Variants in CDH5 observed in about 807,000 individuals in gnomAD.
CDH5 encodes the protein cadherin-5.
In CDH5, 28 loss-of-function variants were observed where a neutral mutation model predicts 62.0. That is an observed-to-expected ratio of 0.45 (90% CI 0.33 to 0.62). The LOEUF (loss-of-function observed/expected upper bound fraction) is 0.62, where lower values mean the gene tolerates loss of function less well. Ranked by LOEUF, CDH5 falls within the 20% of genes least tolerant of loss-of-function variation. The pLI is 0.02. For synonymous variants in CDH5, 464 were observed against 445.8 expected (o/e 1.04, Z -0.52); for missense variants, 940 against 1,065.1 (o/e 0.88, Z 1.63).
intron 1 of CDH5, among the ~76,000 whole-genome samples, chr16:66,367,645 G>A (rs1478076341): frequency 2.0e-5 from 3 of 152,158 alleles, no homozygotes; most frequent in Non-Finnish European, 4.4e-5. Context: ...GGGATGGTGT[G>A]GGGCTCATTA....
chr16:66,386,447 A>T (rs1960984575), intron 2 of CDH5, among the ~76,000 whole-genome samples: 1 of 151,940 alleles, frequency 6.6e-6, no homozygotes, highest in Admixed American at 6.6e-5. Flanking sequence ...CCTCTTTTGG[A>T]GTCTCCAGTG....
intron 10 of CDH5, 53 bp downstream of exon 10, chr16:66,398,614 C>T: frequency 2.2e-6 from 2 of 906,574 alleles, no homozygotes; most frequent in Non-Finnish European, 3.7e-6. Flanking sequence ...CACCTGTAGT[C>T]TCAGCTACTC....
intron 3 of CDH5, 44 bp from the exon 4 acceptor site, chr16:66,388,280 C>A: frequency 8.2e-7 from 1 of 1,226,958 alleles, no homozygotes; most frequent in South Asian, 1.2e-5. Flanking sequence ...GGGTAAGGGG[C>A]CTAGCAGTCA....
At chr16:66,393,929 A>G (rs560723116) in intron 7 of CDH5, among the ~76,000 whole-genome samples, 91 of 152,266 alleles carry the variant, frequency 6.0e-4, no homozygotes, top group Middle Eastern at 6.8e-3. Flanking sequence ...ACTACTCTTC[A>G]TTGCCATTCT....
At chr16:66,389,755 A>C (rs1256466563) in intron 5 of CDH5, among the ~76,000 whole-genome samples, 2 of 152,172 alleles carry the variant, frequency 1.3e-5, no homozygotes, top group East Asian at 3.9e-4. Context: ...GGCCAGAGGG[A>C]AATCCCACTC....
intron 2 of CDH5, among the ~76,000 whole-genome samples, chr16:66,382,143 G>C (rs1178542548): frequency 6.6e-6 from 1 of 152,188 alleles, no homozygotes; most frequent in Non-Finnish European, 1.5e-5. Context: ...TGGCCCCAGG[G>C]TTCAGGGTTT....
Position 66,400,823 on chromosome 16 carries a change from C to G in CDH5, c.1644C>G (p.Thr548=). 6.2e-7 allele frequency: 1 copy of G among 1,614,222 alleles called. No individual in the cohort carries two copies. Among genetic ancestry groups the G allele is most frequent in the Non-Finnish European group, 8.5e-7 (1 of 1,180,034 alleles). The change falls in exon 11 of 12, where the codon ACC becomes ACG. Residue 548 remains threonine (T), a synonymous_variant. Transcript: ENST00000341529. ...ATGGGCAGTTTGACCGGGAGCATAC[C>G]AAGGTCCACTTCCTACCCGTGGTCA... is the stretch of plus-strand genomic sequence containing the variant. The part of the protein sequence containing the change: ...VKYGQFDREH[T]KVHFLPVVIS...
chr16:66,397,565 G>A (rs1016279843), intron 8 of CDH5, among the ~76,000 whole-genome samples: 13 of 152,066 alleles, frequency 8.5e-5, no homozygotes, highest in African/African-American at 2.7e-4. Flanking sequence ...AGTGACATAG[G>A]CATTGTCAGT....
At chr16:66,382,981 A>G (rs1035440606) in intron 2 of CDH5, among the ~76,000 whole-genome samples, 1 of 152,176 alleles carries the variant, frequency 6.6e-6, no homozygotes, top group East Asian at 1.9e-4. Context: ...AGGGGTAGGG[A>G]GAGTGGAGGC....
rs569127097 is a variant in CDH5, at chr16:66,373,949, T to G, written c.-19-5370T>G. Among the ~76,000 whole-genome samples, 201 of 151,544 alleles carry G rather than the reference T, an allele frequency of 1.3e-3. 1 individual carries two copies. The highest frequency in any genetic ancestry group is 4.6e-3 in the African/African-American group (190 of 41,288). ...GATGAAGACCAAGCACCGAGAATAG[T>G]TCATTATTATTACATGTGAATGTCA... On this transcript the variant is annotated intron_variant, in intron 1 of 11. Transcript: ENST00000341529.
At chr16:66,401,088 G>A in intron 11 of CDH5, 72 bp downstream of exon 11, 2 of 1,598,044 alleles carry the variant, frequency 1.3e-6, no homozygotes, top group Non-Finnish European at 1.7e-6. Context: ...AGGCGGGGAG[G>A]CTTCACAGGA....
chr16:66,375,187 G>T (rs183162316), intron 1 of CDH5, among the ~76,000 whole-genome samples: 3 of 152,086 alleles, frequency 2.0e-5, no homozygotes, highest in Non-Finnish European at 4.4e-5. Context: ...ATTTTAACAC[G>T]ACAGCAAGTA....
intron 10 of CDH5, among the ~76,000 whole-genome samples, chr16:66,399,952 G>A (rs1961252268): frequency 6.6e-6 from 1 of 152,254 alleles, no homozygotes; most frequent in South Asian, 2.1e-4. Flanking sequence ...AATCCAGTGT[G>A]TGGAGCCTGT....
At chr16:66,391,383 G>T (rs1961081416) in intron 6 of CDH5, among the ~76,000 whole-genome samples, 1 of 152,096 alleles carries the variant, frequency 6.6e-6, no homozygotes, top group African/African-American at 2.4e-5. Context: ...TTCTGAGAGA[G>T]CATCTGATTA....
At chr16:66,375,297 A>G (rs547272753) in intron 1 of CDH5, among the ~76,000 whole-genome samples, 78 of 152,332 alleles carry the variant, frequency 5.1e-4, no homozygotes, top group African/African-American at 1.7e-3. Context: ...TGGGAGGCCA[A>G]TGCAGGAGGA....
At chr16:66,372,722 C>T in intron 1 of CDH5, among the ~76,000 whole-genome samples, 1 of 152,198 alleles carries the variant, frequency 6.6e-6, no homozygotes, top group East Asian at 1.9e-4. Context: ...CGGTCCCAAC[C>T]TCCCATGGGA....
rs925001765 is a variant in CDH5, at chr16:66,404,589, A to G, written c.*1420A>G. On this transcript the variant is annotated 3_prime_UTR_variant, in exon 12 of 12. Transcript: ENST00000341529. ...AGACATATAGAATAAGGGTTTTTGC[A>G]TAATAAGCAGGTTGTTATTTAGGTT... 2 of 152,542 alleles carry G rather than the reference A, an allele frequency of 1.3e-5. No homozygotes were observed. Among genetic ancestry groups the G allele is most frequent in the Admixed American group, 6.5e-5 (1 of 15,314 alleles). The allele number at this position is 152,542 out of a possible 1,614,324, so 9.4% of individuals were successfully genotyped here. A position where few individuals can be genotyped will look rare whatever the true frequency, so the allele number is the denominator to read the frequency against.
intron 1 of CDH5, among the ~76,000 whole-genome samples, chr16:66,375,590 A>G (rs766745755): frequency 2.6e-5 from 4 of 152,076 alleles, no homozygotes; most frequent in South Asian, 4.1e-4. Flanking sequence ...ACACCTCTCT[A>G]TGGTACATAC....
intron 1 of CDH5, among the ~76,000 whole-genome samples, chr16:66,367,037 C>T (rs976627762): frequency 4.6e-5 from 7 of 152,240 alleles, no homozygotes; most frequent in African/African-American, 1.7e-4. Flanking sequence ...TCAAAAAGGC[C>T]CACTGGCCTT....
Sources: gnomAD v4.1 joint callset for allele counts (sites outside exome capture counted in the v4.1 genomes callset) on GRCh38, gnomAD v4.1.1 for gene constraint, MANE v1.5 for transcripts, NCBI Gene and HGNC (gene_info 2026-07-23, HGNC 2026-07-21) for gene names.